PCTP: variants seen among roughly 807,000 people sequenced by gnomAD.
The protein encoded by PCTP is phosphatidylcholine transfer protein, also known as START domain-containing protein 2.
A neutral mutation model predicts 31.0 loss-of-function variants in PCTP; 27 were observed. The ratio of observed to expected loss-of-function variants is 0.87; its 90% CI spans 0.64 to 1.20. The LOEUF (loss-of-function observed/expected upper bound fraction) is 1.20. PCTP is among the 50% of genes most tolerant of loss of function. PCTP has a pLI of 0.00. For synonymous variants in PCTP, 108 were observed against 101.2 expected, an observed-to-expected ratio of 1.07 and a Z score of -0.40; for missense variants, 287 against 268.2, an observed-to-expected ratio of 1.07 and a Z score of -0.49.
chr17:55,843,024 G>T (rs1047279819), downstream of PCTP, among the ~76,000 whole-genome samples: 105 of 152,090 alleles, frequency 6.9e-4, 1 homozygote, highest in African/African-American at 2.5e-3. Context: ...ATTCATAGAT[G>T]CTATCATGGC....
rs908305613 is a variant in PCTP, at chr17:55,777,311, CTGTT to C, written c.*1217_*1220del. The stretch of plus-strand genomic sequence containing the variant: ...ATTTATTAATGTGGGATACCTCAGA[CTGTT>C]TGTTTTCTTTCTGGGAAGAAAAGTG... On this transcript the variant is annotated 3_prime_UTR_variant, in exon 6 of 6. Coordinates refer to ENST00000268896, the MANE Select transcript of PCTP (RefSeq NM_021213.4). 21 of 984,234 alleles carry C rather than the reference CTGTT, an allele frequency of 2.1e-5. No homozygotes were observed. Among genetic ancestry groups the C allele is most frequent in the Non-Finnish European group, 2.4e-5 (20 of 828,654 alleles). The allele number at this position is 984,234 out of a possible 1,614,324, so 61.0% of individuals were successfully genotyped here. A position where few individuals can be genotyped will look rare whatever the true frequency, so the allele number is the denominator to read the frequency against.
chr17:55,813,114 G>A (rs2079013877), intron 3 of PCTP, among the ~76,000 whole-genome samples: 1 of 152,156 alleles, frequency 6.6e-6, no homozygotes, highest in African/African-American at 2.4e-5. Flanking sequence ...AGAGTAGAAT[G>A]AGGTTTCGTT....
At chr17:55,774,120 T>TAG (rs1911175780) in intron 4 of PCTP, among the ~76,000 whole-genome samples, 1 of 152,210 alleles carries the variant, frequency 6.6e-6, no homozygotes, top group Non-Finnish European at 1.5e-5. Context: ...GTCTATTTTC[T>TAG]CCAGACTCAT....
intron 3 of PCTP, among the ~76,000 whole-genome samples, chr17:55,810,426 A>AT (rs1306345933): frequency 6.6e-6 from 1 of 152,228 alleles, no homozygotes; most frequent in African/African-American, 2.4e-5. Context: ...CCACCTACCT[A>AT]TAAAATCTAG....
chr17:55,818,093 G>T (rs571448038), intron 3 of PCTP, among the ~76,000 whole-genome samples: 1 of 152,168 alleles, frequency 6.6e-6, no homozygotes, highest in African/African-American at 2.4e-5. Flanking sequence ...CATGAGAAAC[G>T]AATCCAAGGT....
At chr17:55,839,499 C>A (rs1185616236) in intron 5 of PCTP, among the ~76,000 whole-genome samples, 1 of 152,166 alleles carries the variant, frequency 6.6e-6, no homozygotes, top group African/African-American at 2.4e-5. Context: ...CTGGTTTATA[C>A]AGGGACAAGA....
In PCTP at chr17:55,777,190, C is replaced by G; in HGVS notation, c.*1090C>G. On this transcript the variant is annotated 3_prime_UTR_variant, in exon 6 of 6. Coordinates refer to ENST00000268896, the MANE Select transcript of PCTP (RefSeq NM_021213.4). ...AGGTATTTCTATGTCAAAGGCACAGCCTTGATGATCTCAGGGAAAAATTTT... is the reference window on the plus strand; with the variant it reads ...AGGTATTTCTATGTCAAAGGCACAGGCTTGATGATCTCAGGGAAAAATTTT... 1.0e-6 allele frequency: 1 copy of G among 985,254 alleles called. No individual in the cohort carries two copies. The highest frequency in any genetic ancestry group is 1.2e-6 in the Non-Finnish European group (1 of 829,442). The allele number at this position is 985,254 out of a possible 1,614,324, so 61.0% of individuals were successfully genotyped here.
chr17:55,806,513 T>G (rs1005538189), intron 3 of PCTP, among the ~76,000 whole-genome samples: 1 of 152,068 alleles, frequency 6.6e-6, no homozygotes, highest in African/African-American at 2.4e-5. Context: ...GAATTTACCC[T>G]CTGAAAATAC....
At chr17:55,843,588 G>A (rs901165179), downstream of PCTP, among the ~76,000 whole-genome samples, 8 of 152,204 alleles carry the variant, frequency 5.3e-5, no homozygotes, top group South Asian at 2.1e-4. Flanking sequence ...CTCTTCCTCC[G>A]CATAGTTCTT....
intron 2 of PCTP, chr17:55,769,211 A>G (rs1910849844): frequency 6.6e-6 from 1 of 152,236 alleles, no homozygotes; most frequent in South Asian, 2.1e-4. Flanking sequence ...CTACTTTTCT[A>G]GGGATGACAG....
At chr17:55,770,972 A>T (rs76803919) in intron 2 of PCTP, 134 bp from the exon 3 acceptor site, 2 of 662,046 alleles carry the variant, frequency 3.0e-6, no homozygotes, top group African/African-American at 1.8e-5. Flanking sequence ...GACTTGAGCA[A>T]TTGACTCACC....
In PCTP at chr17:55,803,450, C is replaced by A. The variant is rs141797695; in HGVS notation, c.317+15796C>A. ...AAGCTGAAGGCATCACACTACTTGACTTCAAACTATACTACAAGACTACAG... is the reference window on the plus strand; with the variant it reads ...AAGCTGAAGGCATCACACTACTTGAATTCAAACTATACTACAAGACTACAG... On this transcript the variant is annotated intron_variant, in intron 3 of 3. Coordinates refer to the PCTP transcript ENST00000572536. Among the ~76,000 whole-genome samples the A allele has an allele frequency of 2.2e-3, 342 of 152,328 alleles. 2 individuals carry two copies. The highest frequency in any genetic ancestry group is 8.1e-3 in the African/African-American group (335 of 41,576).
chr17:55,756,582 G>T (rs1005314113), intron 1 of PCTP, among the ~76,000 whole-genome samples: 4 of 152,154 alleles, frequency 2.6e-5, no homozygotes, highest in Non-Finnish European at 5.9e-5. Flanking sequence ...GTCTAGGGTG[G>T]GGCTTTGGTG....
chr17:55,850,272 A>G, the PCTP span, among the ~76,000 whole-genome samples: 18 of 152,250 alleles, frequency 1.2e-4, no homozygotes, highest in Non-Finnish European at 2.1e-4. Context: ...TTCCTCATCT[A>G]TACAATAGGA....
chr17:55,758,029 C>T (rs899303306), intron 1 of PCTP, among the ~76,000 whole-genome samples: 2 of 152,164 alleles, frequency 1.3e-5, no homozygotes, highest in Admixed American at 1.3e-4. Context: ...AAAAGCTCTT[C>T]CAGTGATCTG....
At chr17:55,773,970 G>A (rs1911163502) in intron 4 of PCTP, 75 bp downstream of exon 4, 1 of 1,457,830 alleles carries the variant, frequency 6.9e-7, no homozygotes, top group Non-Finnish European at 9.2e-7. Flanking sequence ...GGGGGGACAT[G>A]TCGAGTACAT....
At chr17:55,776,004 C>T (rs1555566920) in intron 5 of PCTP, 31 bp from the exon 6 acceptor site, 1 of 1,612,922 alleles carries the variant, frequency 6.2e-7, no homozygotes, top group East Asian at 2.2e-5. Flanking sequence ...ACTGTGAAGA[C>T]ATAGAAATGA....
intron 1 of PCTP, among the ~76,000 whole-genome samples, chr17:55,766,361 T>C (rs940942916): frequency 6.6e-6 from 1 of 151,248 alleles, no homozygotes; most frequent in Non-Finnish European, 1.5e-5. Context: ...GCTGCACCCA[T>C]TAACTCGTCA....
chr17:55,754,245 C>T (rs1156856106), intron 1 of PCTP, among the ~76,000 whole-genome samples: 1 of 152,162 alleles, frequency 6.6e-6, no homozygotes, highest in Non-Finnish European at 1.5e-5. Flanking sequence ...AGTTGAAAGC[C>T]CCAGGTTGTT....
Sources: allele counts gnomAD v4.1 joint callset (sites outside exome capture counted in the v4.1 genomes callset), GRCh38; gene constraint gnomAD v4.1.1; transcripts MANE v1.5; gene names NCBI Gene and HGNC (gene_info 2026-07-23, HGNC 2026-07-21).